Variants in CNTN3 observed in about 807,000 individuals in gnomAD.
CNTN3 encodes contactin 3.
In CNTN3, 60 loss-of-function variants were observed where a neutral mutation model predicts 119.1. That is an observed-to-expected ratio of 0.50 (90% CI 0.41 to 0.62). The LOEUF (loss-of-function observed/expected upper bound fraction) is 0.62, where lower values mean the gene tolerates loss of function less well. Among genes scored for constraint, CNTN3 ranks in the 20% least tolerant of loss-of-function variants. The pLI is 0.00. For synonymous variants in CNTN3, 450 were observed against 438.7 expected, an observed-to-expected ratio of 1.03 and a Z score of -0.32; for missense variants, 1,101 against 1,242.4, an observed-to-expected ratio of 0.89 and a Z score of 1.71.
At chr3:74,577,391 C>G (rs770222443) in intron 1 of CNTN3, among the ~76,000 whole-genome samples, 9 of 152,112 alleles carry the variant, frequency 5.9e-5, no homozygotes, top group Non-Finnish European at 8.8e-5. Flanking sequence ...CAATTGGCTA[C>G]CCAGCATTAC....
At chr3:74,405,765 C>T (rs1222294357) in intron 5 of CNTN3, among the ~76,000 whole-genome samples, 1 of 152,010 alleles carries the variant, frequency 6.6e-6, no homozygotes, top group Non-Finnish European at 1.5e-5. Flanking sequence ...TAGCCATTTA[C>T]ATATTGTTTT....
intron 1 of CNTN3, among the ~76,000 whole-genome samples, chr3:74,595,533 A>G (rs1421101729): frequency 6.6e-6 from 1 of 152,158 alleles, no homozygotes; most frequent in Non-Finnish European, 1.5e-5. Flanking sequence ...GGCTGGTTCA[A>G]TATATGCGAA....
At chr3:74,267,627 A>G in intron 20 of CNTN3, 1 of 386,770 alleles carries the variant, frequency 2.6e-6, no homozygotes, top group South Asian at 4.7e-5. Context: ...CTGCACATGT[A>G]CCCCGAATCT....
chr3:74,539,496 T>C (rs558656160), intron 1 of CNTN3, among the ~76,000 whole-genome samples: 3 of 152,000 alleles, frequency 2.0e-5, no homozygotes, highest in Non-Finnish European at 4.4e-5. Flanking sequence ...TCTACTCCAG[T>C]GGAATCTTAG....
At chr3:74,380,479 A>C (rs771676053) in intron 5 of CNTN3, among the ~76,000 whole-genome samples, 29 of 152,232 alleles carry the variant, frequency 1.9e-4, no homozygotes, top group Non-Finnish European at 3.5e-4. Context: ...AAGATAAAGA[A>C]GCTTACATCT....
chr3:74,408,220 A>T lies in CNTN3; in HGVS notation c.454+16625T>A, dbSNP rs529902938. On this transcript the variant is annotated intron_variant, in intron 5 of 22. Coordinates refer to ENST00000263665, the MANE Select transcript of CNTN3 (RefSeq NM_020872.3). ...TGGTCTTGCAAGTTTGTGTTACATA[A>T]ATCCCTGGATTTAAGACTAGGAATA... Among the ~76,000 whole-genome samples, 13 of 152,308 alleles carry T rather than the reference A, an allele frequency of 8.5e-5. No individual in the cohort carries two copies. In the South Asian group the frequency reaches 1.0e-3, roughly 12 times the overall value.
intron 1 of CNTN3, among the ~76,000 whole-genome samples, chr3:74,587,578 A>AT (rs950745847): frequency 7.2e-5 from 11 of 152,060 alleles, no homozygotes; most frequent in African/African-American, 2.7e-4. Context: ...GCTATAGGTG[A>AT]TTTTGAGGAC....
chr3:74,561,869 C>A (rs1704159510), intron 1 of CNTN3, among the ~76,000 whole-genome samples: 1 of 152,082 alleles, frequency 6.6e-6, no homozygotes, highest in South Asian at 2.1e-4. Flanking sequence ...GAAGGAATAC[C>A]TCTTCATGCC....
intron 13 of CNTN3, among the ~76,000 whole-genome samples, chr3:74,328,783 T>C (rs566855525): frequency 2.8e-4 from 42 of 152,304 alleles, no homozygotes; most frequent in Non-Finnish European, 8.8e-5. Context: ...CTTGTTTCTT[T>C]ACCAGCAAAT....
At chr3:74,572,419 T>G (rs2106652712) in intron 1 of CNTN3, among the ~76,000 whole-genome samples, 1 of 152,134 alleles carries the variant, frequency 6.6e-6, no homozygotes, top group Non-Finnish European at 1.5e-5. Flanking sequence ...GAAGAACAGC[T>G]AATGAAACTA....
At chr3:74,560,947 G>A (rs751998074) in intron 1 of CNTN3, among the ~76,000 whole-genome samples, 4 of 145,012 alleles carry the variant, frequency 2.8e-5, no homozygotes, top group South Asian at 2.2e-4. Flanking sequence ...AACACTGCAC[G>A]TTCTCACTCA....
intron 5 of CNTN3, among the ~76,000 whole-genome samples, chr3:74,400,585 A>C (rs1705165143): frequency 6.6e-6 from 1 of 152,202 alleles, no homozygotes; most frequent in African/African-American, 2.4e-5. Context: ...TCTTAGGTTT[A>C]AGAGTGTAAT....
chr3:74,398,205 G>A (rs917572174), intron 5 of CNTN3, among the ~76,000 whole-genome samples: 14 of 152,170 alleles, frequency 9.2e-5, no homozygotes, highest in Admixed American at 5.2e-4. Flanking sequence ...AGTATTGCAT[G>A]CTATGGATAA....
At chr3:74,494,946 G>A (rs991310201) in intron 3 of CNTN3, among the ~76,000 whole-genome samples, 1 of 152,072 alleles carries the variant, frequency 6.6e-6, no homozygotes, top group Non-Finnish European at 1.5e-5. Context: ...AGGATGTCAA[G>A]AACGCTTCCT....
chr3:74,562,183 G>GA (rs1704163387), intron 1 of CNTN3, among the ~76,000 whole-genome samples: 1 of 152,078 alleles, frequency 6.6e-6, no homozygotes, highest in South Asian at 2.1e-4. Context: ...AAAACAAAGT[G>GA]AAAAAAACTG....
chr3:74,286,899 A>G (rs1371046515), intron 19 of CNTN3, among the ~76,000 whole-genome samples: 3 of 152,288 alleles, frequency 2.0e-5, no homozygotes, highest in South Asian at 4.1e-4. Context: ...GACAGGAATT[A>G]ACTGCATTTC....
intron 22 of CNTN3, among the ~76,000 whole-genome samples, chr3:74,265,547 A>G (rs940088919): frequency 1.8e-4 from 28 of 152,248 alleles, no homozygotes; most frequent in African/African-American, 6.5e-4. Flanking sequence ...ACTTTGCAGA[A>G]CTTAGTTCTG....
chr3:74,607,879 A>C (rs1319534436), intron 1 of CNTN3, among the ~76,000 whole-genome samples: 1 of 152,316 alleles, frequency 6.6e-6, no homozygotes, highest in South Asian at 2.1e-4. Flanking sequence ...ATGGGATAAA[A>C]CCGTGTAGGG....
chr3:74,289,168 A>C (rs1461906217), intron 19 of CNTN3, among the ~76,000 whole-genome samples: 1 of 152,208 alleles, frequency 6.6e-6, no homozygotes, highest in African/African-American at 2.4e-5. Context: ...ATCATTACTG[A>C]AACTAAGAAA....
Sources: gnomAD v4.1 joint callset for allele counts (sites outside exome capture counted in the v4.1 genomes callset) on GRCh38, gnomAD v4.1.1 for gene constraint, MANE v1.5 for transcripts, NCBI Gene and HGNC (gene_info 2026-07-23, HGNC 2026-07-21) for gene names.